Variants in ITGB3BP observed in about 807,000 individuals in gnomAD.
The protein encoded by ITGB3BP is integrin subunit beta 3 binding protein, also known as centromere protein R.
Under a neutral mutation model 29.1 loss-of-function variants are expected in ITGB3BP, and 27 were observed. That is an observed-to-expected ratio of 0.93 (90% CI 0.68 to 1.28). The LOEUF is 1.28. Among genes scored for constraint, ITGB3BP ranks in the 50% most tolerant of loss-of-function variants. The pLI is 0.00. For synonymous variants in ITGB3BP, 61 were observed against 61.4 expected (o/e 0.99, Z 0.03); for missense variants, 192 against 200.2 (o/e 0.96, Z 0.25).
intron 2 of ITGB3BP, among the ~76,000 whole-genome samples, chr1:63,506,817 C>T (rs1038917143): frequency 6.6e-6 from 1 of 152,172 alleles, no homozygotes; most frequent in Non-Finnish European, 1.5e-5. Context: ...AAAATGACCA[C>T]AAAGTTACTA....
intron 8 of ITGB3BP, among the ~76,000 whole-genome samples, chr1:63,444,091 G>T (rs989326696): frequency 9.9e-5 from 15 of 152,222 alleles, no homozygotes; most frequent in African/African-American, 3.6e-4. Flanking sequence ...TTGCTCTTTT[G>T]CTTCTCACTG....
chr1:63,481,771 C>T (rs1374417226), intron 3 of ITGB3BP, among the ~76,000 whole-genome samples: 1 of 152,170 alleles, frequency 6.6e-6, no homozygotes, highest in Non-Finnish European at 1.5e-5. Context: ...TAATTAGGGC[C>T]AGGCATTGCT....
intron 3 of ITGB3BP, among the ~76,000 whole-genome samples, chr1:63,484,724 C>T (rs144082868): frequency 1.3e-5 from 2 of 152,084 alleles, no homozygotes; most frequent in Non-Finnish European, 2.9e-5. Flanking sequence ...TTTTTGACCA[C>T]AGCTCATTAG....
rs190546675 is a variant in ITGB3BP at position 63,504,440 on chromosome 1, A to G, written c.48+4088T>C. 3.1e-3 allele frequency among the ~76,000 whole-genome samples: 469 copies of G among 152,030 alleles called. 10 individuals are homozygous for G. The highest frequency in any genetic ancestry group is 0.011 in the African/African-American group (450 of 41,310). ...AGACGATGGGGTTTTCTAGATATACAATCATGTCATCTGCAAACAGGGACA... is the reference window on the plus strand; with the variant it reads ...AGACGATGGGGTTTTCTAGATATACGATCATGTCATCTGCAAACAGGGACA... On this transcript the variant is annotated intron_variant, in intron 2 of 8. Transcript: ENST00000271002.
At chr1:63,499,347 C>T (rs968479081) in intron 2 of ITGB3BP, among the ~76,000 whole-genome samples, 1 of 151,932 alleles carries the variant, frequency 6.6e-6, no homozygotes, top group African/African-American at 2.4e-5. Flanking sequence ...AAGGGGGTTT[C>T]TCCATGTTGG....
At chr1:63,469,572 C>T (rs1041953771) in intron 4 of ITGB3BP, among the ~76,000 whole-genome samples, 4 of 152,268 alleles carry the variant, frequency 2.6e-5, no homozygotes, top group Middle Eastern at 3.4e-3. Flanking sequence ...GTGATCTGCC[C>T]GCCTTGGCCT....
intron 8 of ITGB3BP, among the ~76,000 whole-genome samples, 173 bp from the exon 9 acceptor site, chr1:63,441,276 C>A (rs888953060): frequency 6.6e-6 from 1 of 152,150 alleles, no homozygotes; most frequent in Non-Finnish European, 1.5e-5. Flanking sequence ...GTCTCACTCT[C>A]CCCCAGGCTG....
chr1:63,488,611 T>C (rs1369362806), intron 3 of ITGB3BP, among the ~76,000 whole-genome samples: 1 of 152,052 alleles, frequency 6.6e-6, no homozygotes, highest in East Asian at 1.9e-4. Flanking sequence ...ATGTACAAGA[T>C]GACATATTAG....
intron 7 of ITGB3BP, 145 bp from the exon 8 acceptor site, chr1:63,447,001 T>C (rs1644799252): frequency 6.6e-6 from 4 of 608,348 alleles, no homozygotes; most frequent in Non-Finnish European, 1.2e-5. Context: ...TCTAAGGCTA[T>C]AAATTCTCAT....
At position 63,465,016 on chromosome 1, in the gene ITGB3BP, G is replaced by A. The variant is rs1369213628; in HGVS notation, c.255-10048C>T. Among the ~76,000 whole-genome samples the A allele has an allele frequency of 2.0e-5, 3 of 151,964 alleles. No homozygotes were observed. The South Asian group carries it at 6.2e-4, about 31-fold the overall frequency. ...GCATCAAGAGAAAAATTGCAATAAA[G>A]AACATTACTAGGAAAATTTGAATTT... On this transcript the variant is annotated intron_variant, in intron 4 of 8. Transcript: ENST00000271002.
chr1:63,475,105 G>A (rs1645312244), intron 4 of ITGB3BP, among the ~76,000 whole-genome samples: 2 of 151,828 alleles, frequency 1.3e-5, no homozygotes, highest in South Asian at 4.2e-4. Flanking sequence ...CTCCCAAGTA[G>A]CTGGGATCAC....
upstream of ITGB3BP, among the ~76,000 whole-genome samples, chr1:63,526,683 T>C (rs1646595650): frequency 6.6e-6 from 1 of 152,272 alleles, no homozygotes; most frequent in South Asian, 2.1e-4. Flanking sequence ...TTACATAATT[T>C]TAAAATTACT....
intron 1 of ITGB3BP, among the ~76,000 whole-genome samples, chr1:63,519,529 G>C (rs1283585703): frequency 6.6e-6 from 1 of 152,020 alleles, no homozygotes; most frequent in East Asian, 1.9e-4. Context: ...AAGCAGGAAA[G>C]AATTGCATTT....
chr1:63,448,446 A>G (rs3009577), intron 7 of ITGB3BP, among the ~76,000 whole-genome samples: 52,714 of 151,798 alleles, frequency 0.35, 9,354 homozygotes, highest in East Asian at 0.49. Flanking sequence ...ATGAATAAAA[A>G]TGACTACCCT....
At chr1:63,504,110 G>A (rs1646011494) in intron 2 of ITGB3BP, among the ~76,000 whole-genome samples, 1 of 151,378 alleles carries the variant, frequency 6.6e-6, no homozygotes, top group African/African-American at 2.4e-5. Flanking sequence ...GGGCAGTATG[G>A]CCATTTTCAC....
intron 1 of ITGB3BP, among the ~76,000 whole-genome samples, chr1:63,511,545 C>A (rs1326869171): frequency 1.3e-5 from 2 of 152,038 alleles, no homozygotes; most frequent in Non-Finnish European, 1.5e-5. Flanking sequence ...CAAATATCCA[C>A]TGACAGATGA....
At chr1:63,464,220 C>A (rs1247669345) in intron 4 of ITGB3BP, among the ~76,000 whole-genome samples, 2 of 152,150 alleles carry the variant, frequency 1.3e-5, no homozygotes, top group South Asian at 2.1e-4. Context: ...ATGAATACTT[C>A]TTCAAATGAA....
Position 63,490,156 on chromosome 1 carries a change from T to A in ITGB3BP, c.111A>T (p.Gly37=). Residue 37 remains glycine, a synonymous_variant, in exon 3 of 9, where the codon GGA becomes GGT. Coordinates refer to ENST00000271002, the MANE Select transcript of ITGB3BP (RefSeq NM_014288.5). ...KSVITYSPTT[G]TCQMSLFASP... ...AAGCAAATAGACTCATTTGACAAGT[T>A]CCAGTTGTTGGAGAATAAGTTATAA... 1 of 1,604,414 alleles carries A rather than the reference T, an allele frequency of 6.2e-7. No homozygotes were observed. Among genetic ancestry groups the A allele is most frequent in the Non-Finnish European group, 8.5e-7 (1 of 1,171,878 alleles).
chr1:63,463,462 T>C (rs1363869134), intron 4 of ITGB3BP, among the ~76,000 whole-genome samples: 1 of 152,168 alleles, frequency 6.6e-6, no homozygotes, highest in East Asian at 1.9e-4. Context: ...CTGGTTGTGA[T>C]ATTGTACTAC....
Sources: allele counts gnomAD v4.1 joint callset (sites outside exome capture counted in the v4.1 genomes callset), GRCh38; gene constraint gnomAD v4.1.1; transcripts MANE v1.5; gene names NCBI Gene and HGNC (gene_info 2026-07-23, HGNC 2026-07-21).